SSUH2: variants seen among roughly 807,000 people sequenced by gnomAD.
The protein encoded by SSUH2 is protein SSUH2 homolog.
Under a neutral mutation model 55.3 loss-of-function variants are expected in SSUH2, and 47 were observed. That is an observed-to-expected ratio of 0.85 (90% confidence interval 0.67 to 1.08). SSUH2 has a LOEUF of 1.08. Ranked by LOEUF, SSUH2 falls within the 50% of genes least tolerant of loss-of-function variation. The probability of loss-of-function intolerance (pLI) is 0.00; values close to 1 mark genes in which losing one functional copy is unlikely to be tolerated. For missense variants in SSUH2, 535 were observed against 490.7 expected (o/e 1.09, Z -0.85); for synonymous variants, 212 against 191.5 (o/e 1.11, Z -0.89).
At chr3:8,671,887 TC>T (rs965430380) in intron 4 of SSUH2, 5 of 146,138 alleles carry the variant, frequency 3.4e-5, no homozygotes, top group African/African-American at 1.4e-4. Flanking sequence ...CACCCCCCTC[TC>T]CCCACCTGGA....
chr3:8,642,039 G>A (rs543525182), intron 1 of SSUH2, among the ~76,000 whole-genome samples: 9 of 152,236 alleles, frequency 5.9e-5, no homozygotes, highest in Admixed American at 2.6e-4. Flanking sequence ...CTCATGCCCA[G>A]GAGTAAAAAG....
At position 8,629,665 on chromosome 3, in the gene SSUH2, G is replaced by A. The variant is rs979528863; in HGVS notation, c.587C>T (p.Thr196Met). ...YKCSGCHGAG[T>M]VRCPSCCGAK... ...ACCAGTGGTTCACAGATGACTCACCGTGCCCGCCCCGTGGCAGCCGCTGCA... is the reference window on the plus strand; with the variant it reads ...ACCAGTGGTTCACAGATGACTCACCATGCCCGCCCCGTGGCAGCCGCTGCA... Residue 196 changes from threonine to methionine, a missense_variant and splice_region_variant, in exon 7 of 12, where the codon ACG (threonine) becomes ATG (methionine). Coordinates refer to ENST00000544814, the MANE Select transcript of SSUH2 (RefSeq NM_001256748.3). 1.4e-5 allele frequency: 15 copies of A among 1,075,504 alleles called. No individual in the cohort carries two copies. The highest frequency in any genetic ancestry group is 8.8e-5 in the African/African-American group (6 of 67,994). The allele number at this position is 1,075,504 out of a possible 1,614,324, so 66.6% of individuals were successfully genotyped here.
At chr3:8,634,179 C>T in intron 3 of SSUH2, 4 of 610,454 alleles carry the variant, frequency 6.6e-6, no homozygotes, top group Non-Finnish European at 8.2e-6. Flanking sequence ...AATAAGGCTC[C>T]TGCCCTCGGG....
intron 7 of SSUH2, among the ~76,000 whole-genome samples, chr3:8,628,672 T>C (rs2125133873): frequency 6.6e-6 from 1 of 152,280 alleles, no homozygotes; most frequent in Admixed American, 6.5e-5. Context: ...AGGTGGGGAC[T>C]GAAGTGGCAC....
upstream of SSUH2, among the ~76,000 whole-genome samples, chr3:8,647,494 T>G (rs1355598962): frequency 6.6e-6 from 1 of 152,202 alleles, no homozygotes; most frequent in Non-Finnish European, 1.5e-5. Flanking sequence ...AAAGTGGACA[T>G]GGCAGCACTG....
intron 1 of SSUH2, among the ~76,000 whole-genome samples, chr3:8,641,551 C>T (rs149591250): frequency 1.1e-3 from 174 of 152,282 alleles, no homozygotes; most frequent in African/African-American, 3.8e-3. Flanking sequence ...TTATTTCTTA[C>T]TCACTCCCCA....
chr3:8,647,363 C>T (rs1048215187), upstream of SSUH2, among the ~76,000 whole-genome samples: 25 of 152,338 alleles, frequency 1.6e-4, no homozygotes, highest in Admixed American at 5.2e-4. Context: ...TGCCTTTGGA[C>T]TGAGCTCTTT....
intron 4 of SSUH2, among the ~76,000 whole-genome samples, chr3:8,632,913 A>G (rs1286090517): frequency 6.6e-6 from 1 of 152,196 alleles, no homozygotes; most frequent in Non-Finnish European, 1.5e-5. Flanking sequence ...AAGTGAGGAC[A>G]TAGGCTTTGA....
At chr3:8,659,536 G>C (rs1703268542) in intron 6 of SSUH2, 1 of 303,138 alleles carries the variant, frequency 3.3e-6, no homozygotes, top group Admixed American at 4.6e-5. Flanking sequence ...CTCAGCAGAG[G>C]GGGCCTTTCA....
At chr3:8,629,841 G>T in intron 6 of SSUH2, 115 bp from the exon 7 acceptor site, 1 of 957,900 alleles carries the variant, frequency 1.0e-6, no homozygotes, top group Non-Finnish European at 1.7e-6. Flanking sequence ...TAGGAAGATG[G>T]CACAGGAAAG....
intron 2 of SSUH2, 56 bp downstream of exon 2, chr3:8,635,703 C>G: frequency 6.9e-7 from 1 of 1,440,738 alleles, no homozygotes; most frequent in African/African-American, 1.4e-5. Context: ...GACATCCCAC[C>G]AACCAGCGTG....
At chr3:8,654,779 G>A (rs1010061365) in intron 7 of SSUH2, among the ~76,000 whole-genome samples, 6 of 148,010 alleles carry the variant, frequency 4.1e-5, no homozygotes, top group Non-Finnish European at 6.0e-5. Context: ...GTCTTCTCCC[G>A]GAGATCTCAG....
Position 8,679,295 on chromosome 3 carries a change from A to AC in SSUH2, c.-901+409dup, listed in dbSNP as rs1274733054. ...GGACCCCCATCGGAGGGGGGGAGCC[A>AC]CCCCCCATGAGGCGGGGACTAAGAG... On this transcript the variant is annotated intron_variant, in intron 2 of 18. Transcript: ENST00000317371. 2.4e-4 allele frequency among the ~76,000 whole-genome samples: 22 copies of AC among 91,678 alleles called. 5 individuals carry two copies. The highest frequency in any genetic ancestry group is 1.3e-3 in the South Asian group (3 of 2,254). The allele number at this position is 91,678 out of a possible 152,430, so 60.1% of individuals were successfully genotyped here. A position where few individuals can be genotyped will look rare whatever the true frequency, so the allele number is the denominator to read the frequency against.
At chr3:8,643,967 T>C (rs1214665445) in intron 1 of SSUH2, among the ~76,000 whole-genome samples, 1 of 152,128 alleles carries the variant, frequency 6.6e-6, no homozygotes, top group Non-Finnish European at 1.5e-5. Flanking sequence ...CACTTCTCAG[T>C]CTCATGCTCT....
chr3:8,659,624 G>A (rs1053756988), intron 6 of SSUH2: 13 of 335,174 alleles, frequency 3.9e-5, no homozygotes, highest in Middle Eastern at 7.7e-4. Flanking sequence ...GGGGCTGCCC[G>A]TGCTTCTGTG....
At chr3:8,633,561 G>A in intron 4 of SSUH2, 105 bp downstream of exon 4, 1 of 894,860 alleles carries the variant, frequency 1.1e-6, no homozygotes. Flanking sequence ...CTGCCCCCAG[G>A]ACTCCTTTCC....
chr3:8,668,042 TA>T (rs975693758), intron 5 of SSUH2, among the ~76,000 whole-genome samples: 14 of 152,112 alleles, frequency 9.2e-5, no homozygotes, highest in African/African-American at 3.4e-4. Flanking sequence ...TTTCAATTTT[TA>T]AAAAAAATTA....
At chr3:8,651,220 C>T (rs568628561) in intron 7 of SSUH2, among the ~76,000 whole-genome samples, 2 of 152,350 alleles carry the variant, frequency 1.3e-5, no homozygotes, top group Middle Eastern at 3.4e-3. Flanking sequence ...CACTAACTTC[C>T]CGTCCTTGTG....
At chr3:8,629,471 G>A (rs1698302235) in intron 7 of SSUH2, 193 bp downstream of exon 7, 5 of 593,198 alleles carry the variant, frequency 8.4e-6, no homozygotes, top group Middle Eastern at 4.4e-4. Flanking sequence ...AAGTGAAAGT[G>A]TCATTAGAGA....
Sources: allele counts gnomAD v4.1 joint callset (sites outside exome capture counted in the v4.1 genomes callset), GRCh38; gene constraint gnomAD v4.1.1; transcripts MANE v1.5; gene names NCBI Gene and HGNC (gene_info 2026-07-23, HGNC 2026-07-21).